The following SPC24 variants were observed in gnomAD, a reference collection of about 807,000 sequenced individuals.
SPC24 encodes the protein SPC24 component of NDC80 kinetochore complex, also known as kinetochore protein Spc24.
Under a neutral mutation model 27.6 loss-of-function variants are expected in SPC24, and 31 were observed. The observed-to-expected ratio is 1.12, with a 90% CI of 0.84 to 1.52. The LOEUF (loss-of-function observed/expected upper bound fraction) is 1.52, where lower values mean the gene tolerates loss of function less well. Ranked by LOEUF, SPC24 falls within the 40% of genes most tolerant of loss-of-function variation. SPC24 has a pLI of 0.00. For missense variants in SPC24, 284 were observed against 252.5 expected, an observed-to-expected ratio of 1.12 and a Z score of -0.84; for synonymous variants, 105 against 105.8, an observed-to-expected ratio of 0.99 and a Z score of 0.05.
At chr19:11,148,239 G>T in intron 2 of SPC24, 122 bp from the exon 3 acceptor site, 1 of 666,924 alleles carries the variant, frequency 1.5e-6, no homozygotes, top group Non-Finnish European at 2.6e-6. Context: ...TCAGAGTTTT[G>T]CTTTGTCACC....
intron 1 of SPC24, among the ~76,000 whole-genome samples, chr19:11,152,885 A>G (rs919204201): frequency 2.0e-5 from 3 of 151,794 alleles, no homozygotes; most frequent in African/African-American, 7.3e-5. Context: ...TGCTGAGCTC[A>G]TCTTCTGCTT....
At chr19:11,154,095 T>C (rs1203707532) in intron 1 of SPC24, among the ~76,000 whole-genome samples, 2 of 151,854 alleles carry the variant, frequency 1.3e-5, no homozygotes, top group African/African-American at 4.8e-5. Flanking sequence ...AAATACAGTC[T>C]TGAAGAGATA....
At chr19:11,150,766 T>C (rs1481709814) in intron 1 of SPC24, among the ~76,000 whole-genome samples, 3 of 152,134 alleles carry the variant, frequency 2.0e-5, no homozygotes. Flanking sequence ...CACTCCAGCC[T>C]GGGTGACAGA....
Position 11,149,094 on chromosome 19 carries a change from A to G in SPC24, c.305T>C (p.Leu102Pro). 2 of 1,524,230 alleles carry G rather than the reference A, an allele frequency of 1.3e-6. No individual in the cohort carries two copies. Among genetic ancestry groups the G allele is most frequent in the Non-Finnish European group, 1.8e-6 (2 of 1,136,670 alleles). 94.4% of individuals were successfully genotyped at this position (1,524,230 alleles called of 1,614,324 possible). A position where few individuals can be genotyped will look rare whatever the true frequency, so the allele number is the denominator to read the frequency against. Residue 102 changes from leucine (L) to proline (P), a missense_variant and splice_region_variant, in exon 2 of 5, where the codon CTT (leucine) becomes CCT (proline). Coordinates refer to ENST00000592540, the MANE Select transcript of SPC24 (RefSeq NM_182513.4). ...EEDTRLKASL[L>P]QLTRELEELK... ...CTGATCCCCTAGCAGAAAAGGATAT[A>G]GGAGGCTGGCCTTCAGACGGGTGTC...
chr19:11,147,363 T>A (rs1196919904), intron 4 of SPC24, 74 bp from the exon 5 acceptor site: 2 of 1,053,156 alleles, frequency 1.9e-6, no homozygotes, highest in Non-Finnish European at 2.7e-6. Context: ...GGATACTGCC[T>A]TTACTTTTTT....
intron 1 of SPC24, among the ~76,000 whole-genome samples, chr19:11,151,413 G>C (rs909462716): frequency 4.6e-5 from 7 of 152,044 alleles, no homozygotes; most frequent in Admixed American, 3.9e-4. Context: ...GGTCTGGTTC[G>C]GATGGGGCCT....
At chr19:11,149,640 G>A (rs934856985) in intron 1 of SPC24, among the ~76,000 whole-genome samples, 7 of 151,974 alleles carry the variant, frequency 4.6e-5, no homozygotes, top group South Asian at 2.1e-4. Flanking sequence ...CAGAACTTTC[G>A]GAGGCCGAAG....
chr19:11,155,546 G>A (rs1390270797), intron 1 of SPC24, 71 bp downstream of exon 1: 19 of 1,475,654 alleles, frequency 1.3e-5, no homozygotes, highest in Non-Finnish European at 1.7e-5. Context: ...GTTTTGAGGT[G>A]GGCCTGGTCG....
Position 11,155,658 on chromosome 19 carries a change from C to A in SPC24, c.119G>T (p.Arg40Leu). 6.4e-7 allele frequency: 1 copy of A among 1,555,712 alleles called. No homozygotes were observed. The highest frequency in any genetic ancestry group is 2.4e-5 in the East Asian group (1 of 41,690). Residue 40 changes from arginine to leucine, a missense_variant, in exon 1 of 5, where the codon CGG becomes CTG. By Grantham distance (102) the Arg-to-Leu change is moderately radical. Transcript: ENST00000592540. ...LLGRHEQVVE[R>L]LLETQDGAEK... is the part of the protein sequence containing the mutation. ...GGCACCGTCTTGCGTTTCCAGCAGC[C>A]GCTCCACCACCTGCTCGTGGCGCCC...
Position 11,155,663 on chromosome 19 carries a change from C to T in SPC24, c.114G>A (p.Val38=). Residue 38 remains valine (V), a synonymous_variant, in exon 1 of 5, where the codon GTG becomes GTA. Coordinates refer to ENST00000592540, the MANE Select transcript of SPC24 (RefSeq NM_182513.4). The stretch of plus-strand genomic sequence containing the variant: ...CGTCTTGCGTTTCCAGCAGCCGCTC[C>T]ACCACCTGCTCGTGGCGCCCCAGCA... ...RRLLGRHEQV[V]ERLLETQDGA... The T allele has an allele frequency of 6.4e-7, 1 of 1,557,466 alleles. No homozygotes were observed. The highest frequency in any genetic ancestry group is 8.6e-7 in the Non-Finnish European group (1 of 1,158,202).
At position 11,155,668 on chromosome 19, in the gene SPC24, C is replaced by T. The variant is rs780551866; in HGVS notation, c.109G>A (p.Val37Met). 9 of 1,558,536 alleles carry T rather than the reference C, an allele frequency of 5.8e-6. No individual in the cohort carries two copies. Among genetic ancestry groups the T allele is most frequent in the Middle Eastern group, 1.8e-4 (1 of 5,704 alleles). ...TGCGTTTCCAGCAGCCGCTCCACCA[C>T]CTGCTCGTGGCGCCCCAGCAGCCGT... ...QRRLLGRHEQ[V>M]VERLLETQDG... The change falls in exon 1 of 5, where the codon GTG (valine) becomes ATG (methionine). Residue 37 changes from valine (V) to methionine (M), a missense_variant. Val to Met is a conservative substitution (Grantham distance 21). Transcript: ENST00000592540.
chr19:11,147,728 C>G (rs1246538143), intron 4 of SPC24, 90 bp downstream of exon 4: 1 of 1,205,876 alleles, frequency 8.3e-7, no homozygotes, highest in African/African-American at 1.5e-5. Context: ...GCCACCACAC[C>G]CGGCTAATTT....
chr19:11,149,873 G>C (rs1247983437), intron 1 of SPC24, among the ~76,000 whole-genome samples: 1 of 150,652 alleles, frequency 6.6e-6, no homozygotes, highest in African/African-American at 2.4e-5. Flanking sequence ...ACGACACCCA[G>C]CTAATTTTTT....
chr19:11,153,605 CA>C (rs1189928934), intron 1 of SPC24, among the ~76,000 whole-genome samples: 2 of 148,648 alleles, frequency 1.3e-5, no homozygotes, highest in African/African-American at 5.0e-5. Flanking sequence ...ACTAAGAATA[CA>C]AAAATTAGCT....
At position 11,148,460 on chromosome 19, in the gene SPC24, G is replaced by A. The variant is rs573457994; in HGVS notation, c.306-343C>T. On this transcript the variant is annotated intron_variant, in intron 2 of 4. Transcript: ENST00000592540. The stretch of plus-strand genomic sequence containing the variant: ...TGACCTCAACTGATCTGTCTGCTTC[G>A]GCCTCCCAAAGTGCTGGGATTACAG... Among the ~76,000 whole-genome samples the A allele has an allele frequency of 7.9e-5, 12 of 152,000 alleles. No individual in the cohort carries two copies. In the East Asian group the frequency reaches 1.2e-3, roughly 15 times the overall value.
chr19:11,149,120 C>G lies in SPC24; in HGVS notation c.279G>C (p.Glu93Asp), dbSNP rs765270090. Residue 93 changes from glutamate (E) to aspartate (D), a missense_variant, in exon 2 of 5, where the codon GAG becomes GAC. By Grantham distance (45) the Glu-to-Asp change is conservative. Coordinates refer to ENST00000592540, the MANE Select transcript of SPC24 (RefSeq NM_182513.4). ...GGAGGCTGGCCTTCAGACGGGTGTC[C>G]TCCTCCCCAGCCTCCTGAAGCCCAG... ...LEAGLQEAGE[E>D]DTRLKASLLQ... The G allele has an allele frequency of 3.9e-6, 6 of 1,546,938 alleles. No homozygotes were observed. In the South Asian group the frequency reaches 7.2e-5, roughly 18 times the overall value.
chr19:11,149,402 AAC>A (rs1405770254), intron 1 of SPC24, 164 bp from the exon 2 acceptor site: 2 of 499,210 alleles, frequency 4.0e-6, no homozygotes, highest in African/African-American at 3.9e-5. Context: ...GTTTCACCAA[AAC>A]ACATTTAAAT....
In SPC24 at chr19:11,148,005, G is replaced by A. The variant is rs560354547; in HGVS notation, c.410+8C>T. The A allele has an allele frequency of 2.5e-6, 4 of 1,612,786 alleles. No individual in the cohort carries two copies. In the African/African-American group the frequency reaches 4.0e-5, roughly 16 times the overall value. On this transcript the variant is annotated splice_region_variant and intron_variant, in intron 3 of 4. Transcript: ENST00000592540. ...GCACAGGCAGGCACACGTTTTGGCA[G>A]AACCTACACGGCCGAGGGGATTGTG...
At position 11,147,096 on chromosome 19, in the gene SPC24, A is replaced by AG; in HGVS notation, c.*86_*87insC. ...ACTCTGTCTCAAAAAAAAAAAAAAA[A>AG]AGATCTATGTCCCCACATTTCATTT... On this transcript the variant is annotated 3_prime_UTR_variant, in exon 5 of 5. Coordinates refer to ENST00000592540, the MANE Select transcript of SPC24 (RefSeq NM_182513.4). 1 of 768,432 alleles carries AG rather than the reference A, an allele frequency of 1.3e-6. No individual in the cohort carries two copies. 47.6% of individuals were successfully genotyped at this position (768,432 alleles called of 1,614,324 possible).
Sources: allele counts gnomAD v4.1 joint callset (sites outside exome capture counted in the v4.1 genomes callset), GRCh38; gene constraint gnomAD v4.1.1; transcripts MANE v1.5; gene names NCBI Gene and HGNC (gene_info 2026-07-23, HGNC 2026-07-21).